The following PRSS3 variants were observed in gnomAD, a reference collection of about 807,000 sequenced individuals.
PRSS3 encodes serine protease 3, also known as trypsin-3.
PRSS3 carries 14 observed loss-of-function variants against 20.8 expected under a neutral mutation model. The ratio of observed to expected loss-of-function variants is 0.67; its 90% CI spans 0.44 to 1.05. The LOEUF is 1.05. Ranked by LOEUF, PRSS3 falls within the 50% of genes least tolerant of loss-of-function variation. The pLI is 0.00. For synonymous variants in PRSS3, 91 were observed against 117.6 expected, an observed-to-expected ratio of 0.77 and a Z score of 1.46; for missense variants, 237 against 306.4, an observed-to-expected ratio of 0.77 and a Z score of 1.69.
upstream of PRSS3, among the ~76,000 whole-genome samples, chr9:33,792,216 G>A (rs573634245): frequency 8.1e-4 from 123 of 152,252 alleles, no homozygotes; most frequent in African/African-American, 2.8e-3. Context: ...TGGGAGTTTG[G>A]CGGGAAGACA....
intron 1 of PRSS3, among the ~76,000 whole-genome samples, chr9:33,779,371 T>C (rs1211301049): frequency 6.6e-6 from 1 of 152,152 alleles, no homozygotes. Context: ...AACTGAAAGA[T>C]GAAATAGCCA....
At chr9:33,766,106 A>T (rs1462778700) in intron 1 of PRSS3, among the ~76,000 whole-genome samples, 2 of 151,756 alleles carry the variant, frequency 1.3e-5, no homozygotes, top group African/African-American at 4.8e-5. Flanking sequence ...CTCTACTATA[A>T]ATATAAAAAT....
rs74180504 is a variant in PRSS3, at chr9:33,785,160, A to ATTTTTTTTTTTTTTTTTTTTT, written c.-52-9571_-52-9551dup. 2.3e-4 allele frequency among the ~76,000 whole-genome samples: 17 copies of ATTTTTTTTTTTTTTTTTTTTT among 72,508 alleles called. 1 individual carries two copies. The highest frequency in any genetic ancestry group is 5.3e-4 in the African/African-American group (7 of 13,328). The allele number at this position is 72,508 out of a possible 152,430, so 47.6% of individuals were successfully genotyped here. A position where few individuals can be genotyped will look rare whatever the true frequency, so the allele number is the denominator to read the frequency against. On this transcript the variant is annotated intron_variant, in intron 1 of 5. Transcript: ENST00000342836. Reference sequence around the variant, plus strand: ...GAAAAAGATCATAGCATTGTGGTCAATTTTTTTTTTTTTTTTTTTTTTTTT... The same window carrying ATTTTTTTTTTTTTTTTTTTTT: ...GAAAAAGATCATAGCATTGTGGTCAATTTTTTTTTTTTTTTTTTTTTTTTTTTTTTTTTTTTTTTTTTTTTT...
At chr9:33,756,225 A>G (rs1401713584) in intron 1 of PRSS3, among the ~76,000 whole-genome samples, 4 of 152,108 alleles carry the variant, frequency 2.6e-5, no homozygotes, top group African/African-American at 9.7e-5. Context: ...ACATTGCTCT[A>G]TTTTATTCTA....
At chr9:33,760,839 C>T (rs540663754) in intron 1 of PRSS3, among the ~76,000 whole-genome samples, 13 of 152,080 alleles carry the variant, frequency 8.5e-5, no homozygotes, top group Admixed American at 1.3e-4. Flanking sequence ...AGGCTAGGAC[C>T]CAGGTATTCT....
At chr9:33,780,413 G>T (rs1406900860) in intron 1 of PRSS3, among the ~76,000 whole-genome samples, 1 of 152,196 alleles carries the variant, frequency 6.6e-6, no homozygotes, top group East Asian at 1.9e-4. Context: ...CCTTAAGGGA[G>T]TGCTAAATAT....
At chr9:33,797,366 T>C (rs3739684) in intron 2 of PRSS3, among the ~76,000 whole-genome samples, 9,124 of 152,252 alleles carry the variant, frequency 0.06, 309 homozygotes, top group Non-Finnish European at 0.09. Context: ...TTCTAACAAG[T>C]TCCCAGGAGA....
chr9:33,757,767 T>C (rs1563955900), intron 1 of PRSS3, among the ~76,000 whole-genome samples: 1 of 152,200 alleles, frequency 6.6e-6, no homozygotes, highest in African/African-American at 2.4e-5. Flanking sequence ...ATTGACCCTA[T>C]TATCTGTTTT....
intron 1 of PRSS3, among the ~76,000 whole-genome samples, chr9:33,790,451 G>A (rs1426468865): frequency 6.6e-6 from 1 of 152,154 alleles, no homozygotes; most frequent in Non-Finnish European, 1.5e-5. Flanking sequence ...TTGGTTGTGT[G>A]TTTTGAATTA....
At chr9:33,791,938 G>A (rs571172887), upstream of PRSS3, among the ~76,000 whole-genome samples, 9 of 152,186 alleles carry the variant, frequency 5.9e-5, no homozygotes, top group Non-Finnish European at 7.4e-5. Context: ...AGGGGCAAGG[G>A]GCAGGCAAGA....
At chr9:33,767,718 A>G (rs1230649005) in intron 1 of PRSS3, among the ~76,000 whole-genome samples, 2 of 152,090 alleles carry the variant, frequency 1.3e-5, no homozygotes, top group Admixed American at 1.3e-4. Context: ...CCAGCTACTC[A>G]GGAGGCTGAG....
upstream of PRSS3, among the ~76,000 whole-genome samples, chr9:33,794,581 C>T (rs1157316188): frequency 6.6e-6 from 1 of 152,162 alleles, no homozygotes; most frequent in African/African-American, 2.4e-5. Context: ...CAATATGTGA[C>T]CCATTTACCA....
chr9:33,775,265 C>T (rs1164644653), intron 1 of PRSS3, among the ~76,000 whole-genome samples: 2 of 152,186 alleles, frequency 1.3e-5, no homozygotes, highest in East Asian at 1.9e-4. Flanking sequence ...CACCCCCCAG[C>T]TCAGCCAATG....
chr9:33,775,706 T>TG (rs1052794160), intron 1 of PRSS3, among the ~76,000 whole-genome samples: 2 of 150,656 alleles, frequency 1.3e-5, no homozygotes, highest in Non-Finnish European at 3.0e-5. Flanking sequence ...TGAAGTTTTT[T>TG]TTTTTTTTTT....
chr9:33,779,499 AG>A (rs1438597762), intron 1 of PRSS3, among the ~76,000 whole-genome samples: 1 of 152,216 alleles, frequency 6.6e-6, no homozygotes, highest in Non-Finnish European at 1.5e-5. Context: ...GACCAAGCTG[AG>A]GAAAGAATCT....
intron 1 of PRSS3, among the ~76,000 whole-genome samples, chr9:33,782,258 A>G (rs1023817526): frequency 3.9e-5 from 6 of 152,194 alleles, no homozygotes; most frequent in Non-Finnish European, 8.8e-5. Flanking sequence ...GAAAAATGGA[A>G]CAGGGGGAGT....
At chr9:33,765,616 G>A (rs1329063910) in intron 1 of PRSS3, among the ~76,000 whole-genome samples, 1 of 152,216 alleles carries the variant, frequency 6.6e-6, no homozygotes, top group Non-Finnish European at 1.5e-5. Flanking sequence ...AGTTTACTAA[G>A]TGACTAATGG....
At chr9:33,786,330 G>A (rs1330088948) in intron 1 of PRSS3, 4 of 587,028 alleles carry the variant, frequency 6.8e-6, no homozygotes, top group East Asian at 5.6e-5. Context: ...CCTCTCCGGA[G>A]AGTCTGAAGC....
chr9:33,763,495 C>T (rs1029840989), intron 1 of PRSS3, among the ~76,000 whole-genome samples: 5 of 151,682 alleles, frequency 3.3e-5, no homozygotes. Context: ...GTCAGGAGAT[C>T]GAGACCATCC....
Sources: gnomAD v4.1 joint callset for allele counts (sites outside exome capture counted in the v4.1 genomes callset) on GRCh38, gnomAD v4.1.1 for gene constraint, MANE v1.5 for transcripts, NCBI Gene and HGNC (gene_info 2026-07-23, HGNC 2026-07-21) for gene names.